Variants in RGPD1 observed in about 807,000 individuals in gnomAD.
RGPD1 encodes RANBP2 like and GRIP domain containing 1, also known as RANBP2-like and GRIP domain-containing protein 1.
A neutral mutation model predicts 40.6 loss-of-function variants in RGPD1; 7 were observed. That is an observed-to-expected ratio of 0.17 (90% CI 0.10 to 0.32). The LOEUF (loss-of-function observed/expected upper bound fraction) is 0.32, where lower values mean the gene tolerates loss of function less well. RGPD1 is among the 10% of genes least tolerant of loss of function. The pLI is 1.00. For missense variants in RGPD1, 50 were observed against 472.5 expected (o/e 0.11, Z 8.29); for synonymous variants, 24 against 167.0 (o/e 0.14, Z 6.60).
At chr2:86,936,122 C>T (rs1679338118) in intron 1 of RGPD1, among the ~76,000 whole-genome samples, 1 of 136,584 alleles carries the variant, frequency 7.3e-6, no homozygotes, top group African/African-American at 2.6e-5. Context: ...TGTCCTGCCT[C>T]AGCCTCCCAC....
chr2:86,939,770 T>G (rs1679613233), upstream of RGPD1, among the ~76,000 whole-genome samples: 1 of 101,220 alleles, frequency 9.9e-6, no homozygotes, highest in Non-Finnish European at 2.0e-5. Context: ...GGTCTTTCTC[T>G]GTCACCTAAG....
intron 1 of RGPD1, among the ~76,000 whole-genome samples, chr2:86,920,116 C>G (rs1349843225): frequency 9.2e-5 from 14 of 151,900 alleles, no homozygotes; most frequent in South Asian, 6.3e-4. Flanking sequence ...GTCGTCTAGG[C>G]TGGAATGCAG....
intron 1 of RGPD1, among the ~76,000 whole-genome samples, 178 bp downstream of exon 1, chr2:86,942,486 C>T (rs942119086): frequency 8.2e-6 from 1 of 121,440 alleles, no homozygotes; most frequent in Non-Finnish European, 1.7e-5. Context: ...CCTGGCCGGG[C>T]GGCGGCGGCG....
In RGPD1 at chr2:87,011,027, T is replaced by C. The variant is rs1194439903; in HGVS notation, c.5237-1486T>C. On this transcript the variant is annotated intron_variant, in intron 22 of 22. Transcript: ENST00000641458. ...CTGTGGGAAGGGGCTTTACAACAAA[T>C]TATTTTACAGGTGAAGGGCAGAAAT... 9.4e-6 allele frequency: 2 copies of C among 211,672 alleles called. 1 individual carries two copies. The highest frequency in any genetic ancestry group is 1.6e-5 in the Non-Finnish European group (2 of 124,576). 13.1% of individuals were successfully genotyped at this position (211,672 alleles called of 1,614,324 possible).
chr2:86,941,684 C>T (rs531743634), upstream of RGPD1, among the ~76,000 whole-genome samples: 2 of 151,212 alleles, frequency 1.3e-5, no homozygotes, highest in African/African-American at 4.9e-5. Context: ...AAGTGTTCCA[C>T]CCGCAGGACT....
At chr2:86,915,407 A>G (rs1267889672) in intron 1 of RGPD1, among the ~76,000 whole-genome samples, 23 of 145,366 alleles carry the variant, frequency 1.6e-4, no homozygotes, top group Non-Finnish European at 1.7e-4. Flanking sequence ...CTTGCCTTCT[A>G]AAAGGTATTT....
chr2:86,938,886 A>G (rs1485374767), upstream of RGPD1, among the ~76,000 whole-genome samples: 1 of 132,346 alleles, frequency 7.6e-6, no homozygotes, highest in Admixed American at 7.4e-5. Context: ...CAAAAAAGAA[A>G]AATGATGCAG....
chr2:86,931,480 C>T (rs1383766195), intron 1 of RGPD1, among the ~76,000 whole-genome samples: 3 of 151,504 alleles, frequency 2.0e-5, no homozygotes, highest in Non-Finnish European at 2.9e-5. Context: ...TGGTATTTGA[C>T]TGCTGCTGAT....
intron 1 of RGPD1, among the ~76,000 whole-genome samples, chr2:86,926,282 CTA>C (rs1196747966): frequency 2.0e-5 from 3 of 151,584 alleles, no homozygotes; most frequent in African/African-American, 7.3e-5. Context: ...AGATGAAATA[CTA>C]TGAGTCCCTG....
At chr2:86,955,971 ATTTTC>A (rs1680701096) in intron 4 of RGPD1, among the ~76,000 whole-genome samples, 1 of 149,868 alleles carries the variant, frequency 6.7e-6, no homozygotes. Context: ...CTCTTTAAAG[ATTTTC>A]TTTAATAACT....
At chr2:86,914,370 A>G (rs868334447) in intron 1 of RGPD1, among the ~76,000 whole-genome samples, 42 of 1,968 alleles carry the variant, frequency 0.021, 1 homozygote, top group East Asian at 0.033. Flanking sequence ...GGCGGCCTCG[A>G]CCTGGCCGGG....
upstream of RGPD1, among the ~76,000 whole-genome samples, chr2:86,939,407 C>T (rs1409535921): frequency 4.0e-5 from 6 of 149,816 alleles, 1 homozygote; most frequent in Non-Finnish European, 7.4e-5. Context: ...GGTGAAACCC[C>T]GTCTCTACTA....
intron 1 of RGPD1, among the ~76,000 whole-genome samples, chr2:86,929,689 CTTTT>C (rs753911867): frequency 3.8e-5 from 2 of 52,618 alleles, no homozygotes; most frequent in Non-Finnish European, 7.5e-5. Flanking sequence ...AGCCCACACT[CTTTT>C]TTTTTTTTTT....
upstream of RGPD1, among the ~76,000 whole-genome samples, chr2:86,937,818 TAGG>T (rs1346338833): frequency 3.7e-5 from 3 of 81,412 alleles, 1 homozygote; most frequent in African/African-American, 3.1e-4. Context: ...AGGTAAAAAT[TAGG>T]AGAGCCACGT....
intron 1 of RGPD1, among the ~76,000 whole-genome samples, chr2:86,935,595 AGATTTGTTTCTGT>A (rs1465343867): frequency 8.1e-6 from 1 of 124,014 alleles, no homozygotes. Flanking sequence ...TTATTTTCTG[AGATTTGTTTCTGT>A]GGAATTTTTA....
At chr2:86,943,582 G>C (rs182147941) in intron 1 of RGPD1, among the ~76,000 whole-genome samples, 1 of 152,086 alleles carries the variant, frequency 6.6e-6, no homozygotes, top group African/African-American at 2.4e-5. Flanking sequence ...TTTGGGGCCA[G>C]TTACACTTTT....
chr2:86,931,943 A>G (rs1336684414), intron 1 of RGPD1, among the ~76,000 whole-genome samples: 1 of 148,304 alleles, frequency 6.7e-6, no homozygotes, highest in Non-Finnish European at 1.5e-5. Context: ...ATATATATTT[A>G]TGTATTATAT....
intron 1 of RGPD1, among the ~76,000 whole-genome samples, chr2:86,942,672 C>T: frequency 7.0e-6 from 1 of 143,368 alleles, no homozygotes; most frequent in African/African-American, 2.5e-5. Context: ...GCGGCGGCGG[C>T]CTCGACCTGG....
chr2:86,956,049 G>A (rs943670811), intron 4 of RGPD1, among the ~76,000 whole-genome samples: 4 of 147,712 alleles, frequency 2.7e-5, no homozygotes, highest in South Asian at 4.4e-4. Context: ...TGAAATCCAT[G>A]AGATTTATAA....
Sources: allele counts gnomAD v4.1 joint callset (sites outside exome capture counted in the v4.1 genomes callset), GRCh38; gene constraint gnomAD v4.1.1; transcripts MANE v1.5; gene names NCBI Gene and HGNC (gene_info 2026-07-23, HGNC 2026-07-21).